The following NDUFA9 variants were observed in gnomAD, a reference collection of about 807,000 sequenced individuals.
The protein encoded by NDUFA9 is NADH dehydrogenase [ubiquinone] 1 alpha subcomplex subunit 9, mitochondrial.
NDUFA9 carries 23 observed loss-of-function variants against 45.9 expected under a neutral mutation model. The observed-to-expected ratio is 0.50, with a 90% CI of 0.36 to 0.71. The LOEUF (loss-of-function observed/expected upper bound fraction) is 0.71. Ranked by LOEUF, NDUFA9 falls within the 30% of genes least tolerant of loss-of-function variation. The pLI is 0.00. For synonymous variants in NDUFA9, 176 were observed against 170.5 expected (o/e 1.03, Z -0.25); for missense variants, 466 against 488.2 (o/e 0.95, Z 0.43).
chr12:4,654,928 G>A lies in NDUFA9; in HGVS notation c.318+6G>A, dbSNP rs766530587. 6.2e-7 allele frequency: 1 copy of A among 1,606,954 alleles called. No individual in the cohort carries two copies. Among genetic ancestry groups the A allele is most frequent in the Admixed American group, 1.7e-5 (1 of 59,410 alleles). ...TGGGCCAGCTTCTGTTTCTGGTAAG[G>A]GCCTTTATGACTGAATGAAGTTGAC... On this transcript the variant is annotated splice_donor_region_variant and intron_variant, in intron 3 of 10. Coordinates refer to ENST00000266544, the MANE Select transcript of NDUFA9 (RefSeq NM_005002.5).
chr12:4,669,901 G>T, intron 8 of NDUFA9, 84 bp downstream of exon 8: 2 of 1,038,056 alleles, frequency 1.9e-6, no homozygotes, highest in Non-Finnish European at 1.5e-6. Flanking sequence ...AGATTTATTT[G>T]TTGCACTTTT....
chr12:4,658,363 G>A (rs1319599293), intron 4 of NDUFA9, among the ~76,000 whole-genome samples: 4 of 152,156 alleles, frequency 2.6e-5, no homozygotes, highest in African/African-American at 9.7e-5. Context: ...TTTTTAATAT[G>A]TGTCTTCTCA....
In NDUFA9 at chr12:4,687,454, T is replaced by G. The variant is rs1257433410; in HGVS notation, c.*346T>G. ...AGTATTGTAAAGACCCCAAGTGATA[T>G]GTGATTGTTTTTTAATTTCCATTAA... is the stretch of plus-strand genomic sequence containing the variant. On this transcript the variant is annotated 3_prime_UTR_variant, in exon 11 of 11. Coordinates refer to ENST00000266544, the MANE Select transcript of NDUFA9 (RefSeq NM_005002.5). 1.2e-5 allele frequency: 2 copies of G among 169,262 alleles called. No homozygotes were observed. Among genetic ancestry groups the G allele is most frequent in the Non-Finnish European group, 2.5e-5 (2 of 79,764 alleles). The allele number at this position is 169,262 out of a possible 1,614,324, so 10.5% of individuals were successfully genotyped here. A position where few individuals can be genotyped will look rare whatever the true frequency, so the allele number is the denominator to read the frequency against.
intron 6 of NDUFA9, among the ~76,000 whole-genome samples, chr12:4,665,255 C>T (rs1175633142): frequency 6.6e-6 from 1 of 152,126 alleles, no homozygotes; most frequent in Non-Finnish European, 1.5e-5. Flanking sequence ...TTCCCTCCTT[C>T]CCCCCAGCCC....
intron 6 of NDUFA9, 48 bp from the exon 7 acceptor site, chr12:4,668,409 C>G: frequency 7.1e-7 from 1 of 1,408,384 alleles, no homozygotes. Flanking sequence ...TTGGATCTTA[C>G]AGCAATTTAA....
intron 8 of NDUFA9, among the ~76,000 whole-genome samples, chr12:4,677,634 G>A (rs1945927865): frequency 6.6e-6 from 1 of 152,208 alleles, no homozygotes; most frequent in African/African-American, 2.4e-5. Flanking sequence ...TCATTAAAAT[G>A]TCAGGAAACA....
chr12:4,686,447 A>G (rs1404038341), intron 10 of NDUFA9, among the ~76,000 whole-genome samples: 1 of 150,762 alleles, frequency 6.6e-6, no homozygotes, highest in Non-Finnish European at 1.5e-5. Flanking sequence ...TTTAATGGGC[A>G]AGGAACAAAT....
At chr12:4,684,193 G>C (rs559777040) in intron 9 of NDUFA9, among the ~76,000 whole-genome samples, 2 of 152,142 alleles carry the variant, frequency 1.3e-5, no homozygotes, top group African/African-American at 4.8e-5. Context: ...TTTTTCTGCC[G>C]TTGAGGAATC....
rs756857206 is a variant in NDUFA9 at position 4,654,859 on chromosome 12, G to A, written c.255G>A (p.Arg85=). ...GGTCACAGGTAATCATACCCTATCG[G>A]TGTGATAAATATGACATCATGCACC... ...RMGSQVIIPY[R]CDKYDIMHLR... Residue 85 remains arginine, a synonymous_variant, in exon 3 of 11, where the codon CGG becomes CGA. Coordinates refer to ENST00000266544, the MANE Select transcript of NDUFA9 (RefSeq NM_005002.5). 1.2e-6 allele frequency: 2 copies of A among 1,613,738 alleles called. No individual in the cohort carries two copies. The highest frequency in any genetic ancestry group is 1.7e-6 in the Non-Finnish European group (2 of 1,179,916).
chr12:4,687,215 T>G lies in NDUFA9; in HGVS notation c.*107T>G, dbSNP rs1945993363. On this transcript the variant is annotated 3_prime_UTR_variant, in exon 11 of 11. Transcript: ENST00000266544. ...AGGATCCTGTACACAGTTCCACTAT[T>G]AAAACATTTCAGGTTGAATTCTGCA... The G allele has an allele frequency of 9.7e-6, 10 of 1,027,308 alleles. No individual in the cohort carries two copies. Among genetic ancestry groups the G allele is most frequent in the Non-Finnish European group, 1.1e-5 (8 of 730,912 alleles). 63.6% of individuals were successfully genotyped at this position (1,027,308 alleles called of 1,614,324 possible). A position where few individuals can be genotyped will look rare whatever the true frequency, so the allele number is the denominator to read the frequency against.
At chr12:4,686,826 T>C in intron 10 of NDUFA9, 112 bp from the exon 11 acceptor site, 1 of 992,800 alleles carries the variant, frequency 1.0e-6, no homozygotes, top group South Asian at 1.7e-5. Context: ...TGAAAGCAAT[T>C]AAGTCTCAAT....
rs553561209 is a variant in NDUFA9, at chr12:4,678,900, G to A, written c.801-3305G>A. Among the ~76,000 whole-genome samples, 21 of 152,108 alleles carry A rather than the reference G, an allele frequency of 1.4e-4. No individual in the cohort carries two copies. The East Asian group carries it at 3.3e-3, about 24-fold the overall frequency. On this transcript the variant is annotated intron_variant, in intron 8 of 10. Coordinates refer to ENST00000266544, the MANE Select transcript of NDUFA9 (RefSeq NM_005002.5). ...AAAGTTAGCATAAATTTACCATATG[G>A]CCTATCAATTTTACTCCTAGATATT...
rs530622719 is a variant in NDUFA9, at chr12:4,671,723, T to A, written c.800+1906T>A. Among the ~76,000 whole-genome samples the A allele has an allele frequency of 3.4e-4, 52 of 152,302 alleles. 1 individual carries two copies. The highest frequency in any genetic ancestry group is 1.3e-3 in the African/African-American group (52 of 41,570). The stretch of plus-strand genomic sequence containing the variant: ...ACTGACATAAGAATTGACGTATAGA[T>A]GAATTAACCAGAATTGATAGTTCAG... On this transcript the variant is annotated intron_variant, in intron 8 of 10. Transcript: ENST00000266544.
At chr12:4,665,345 C>T (rs1038599461) in intron 6 of NDUFA9, among the ~76,000 whole-genome samples, 5 of 152,140 alleles carry the variant, frequency 3.3e-5, no homozygotes, top group Non-Finnish European at 7.4e-5. Flanking sequence ...TTTGTCTTTT[C>T]GTAGCTGGCT....
At chr12:4,652,793 G>A (rs1288984791) in intron 1 of NDUFA9, among the ~76,000 whole-genome samples, 2 of 152,242 alleles carry the variant, frequency 1.3e-5, no homozygotes, top group East Asian at 1.9e-4. Flanking sequence ...TGTAAAGGTA[G>A]CTGTTAATAT....
At chr12:4,674,177 A>G (rs749206600) in intron 8 of NDUFA9, among the ~76,000 whole-genome samples, 2 of 152,230 alleles carry the variant, frequency 1.3e-5, no homozygotes, top group Non-Finnish European at 1.5e-5. Context: ...AGCACTAAAC[A>G]TGGAAAGGAT....
chr12:4,654,762 C>A, intron 2 of NDUFA9, 63 bp from the exon 3 acceptor site: 1 of 1,272,556 alleles, frequency 7.9e-7, no homozygotes, highest in Non-Finnish European at 1.1e-6. Context: ...TACCAAGTCA[C>A]AATTGTATAA....
intron 8 of NDUFA9, among the ~76,000 whole-genome samples, chr12:4,677,527 C>G (rs1945927273): frequency 6.6e-6 from 1 of 152,122 alleles, no homozygotes; most frequent in Admixed American, 6.6e-5. Context: ...TTATGCAGCT[C>G]AACAAACATA....
chr12:4,650,789 C>A (rs928884451), intron 1 of NDUFA9, among the ~76,000 whole-genome samples: 1 of 152,098 alleles, frequency 6.6e-6, no homozygotes, highest in East Asian at 1.9e-4. Context: ...TCTGGAAAGT[C>A]CTCTGGCAAA....
Sources: gnomAD v4.1 joint callset for allele counts (sites outside exome capture counted in the v4.1 genomes callset) on GRCh38, gnomAD v4.1.1 for gene constraint, MANE v1.5 for transcripts, NCBI Gene and HGNC (gene_info 2026-07-23, HGNC 2026-07-21) for gene names.